Variants in PAK2 observed in about 807,000 individuals in gnomAD.
The protein encoded by PAK2 is p21 (RAC1) activated kinase 2.
PAK2 carries 21 observed loss-of-function variants against 65.9 expected under a neutral mutation model. The observed-to-expected ratio is 0.32, with a 90% CI of 0.23 to 0.46. The LOEUF is 0.46. Among genes scored for constraint, PAK2 ranks in the 20% least tolerant of loss-of-function variants. PAK2 has a pLI of 1.00. For synonymous variants in PAK2, 204 were observed against 219.7 expected (o/e 0.93, Z 0.63); for missense variants, 324 against 642.6 (o/e 0.50, Z 5.36).
intron 2 of PAK2, among the ~76,000 whole-genome samples, chr3:196,792,295 T>C (rs1444414742): frequency 6.6e-6 from 1 of 152,204 alleles, no homozygotes; most frequent in Non-Finnish European, 1.5e-5. Context: ...TAATTTCTCC[T>C]GTATGTAGGG....
intron 1 of PAK2, among the ~76,000 whole-genome samples, 156 bp from the exon 2 acceptor site, chr3:196,782,470 C>T (rs1168958808): frequency 1.3e-5 from 2 of 152,162 alleles, no homozygotes; most frequent in African/African-American, 2.4e-5. Flanking sequence ...AAGAGAGTTA[C>T]ATCTTTTACA....
intron 1 of PAK2, among the ~76,000 whole-genome samples, chr3:196,770,339 A>G (rs1336989709): frequency 3.3e-5 from 5 of 151,814 alleles, no homozygotes; most frequent in African/African-American, 4.9e-5. Context: ...GTTCATTTTT[A>G]TTAATAATAT....
chr3:196,819,648 G>A (rs1202043524), intron 12 of PAK2, among the ~76,000 whole-genome samples: 1 of 151,996 alleles, frequency 6.6e-6, no homozygotes, highest in East Asian at 1.9e-4. Flanking sequence ...CATATGAAAT[G>A]GAATGGGTTT....
At chr3:196,811,342 CTCCCTTCCT>C (rs1715811643) in intron 8 of PAK2, among the ~76,000 whole-genome samples, 1 of 67,090 alleles carries the variant, frequency 1.5e-5, no homozygotes, top group Non-Finnish European at 2.9e-5. Flanking sequence ...CCTCCCTTCC[CTCCCTTCCT>C]TCCCTCCCTT....
intron 13 of PAK2, among the ~76,000 whole-genome samples, chr3:196,821,152 T>A (rs566069322): frequency 2.4e-4 from 36 of 152,222 alleles, no homozygotes; most frequent in African/African-American, 8.4e-4. Context: ...CTTCTCTTTT[T>A]TTTAAATTAC....
intron 1 of PAK2, among the ~76,000 whole-genome samples, chr3:196,755,813 C>T (rs1271130390): frequency 2.6e-5 from 4 of 151,620 alleles, no homozygotes; most frequent in Non-Finnish European, 4.4e-5. Flanking sequence ...TGGAGTACAG[C>T]GGCATGATCT....
intron 1 of PAK2, among the ~76,000 whole-genome samples, chr3:196,744,897 AACG>A (rs1172232447): frequency 6.6e-6 from 1 of 151,638 alleles, no homozygotes; most frequent in Non-Finnish European, 1.5e-5. Context: ...TTTCCATTAA[AACG>A]ACTTGTAAGT....
chr3:196,824,606 A>G (rs1300692013), intron 13 of PAK2, among the ~76,000 whole-genome samples: 4 of 152,166 alleles, frequency 2.6e-5, no homozygotes, highest in African/African-American at 9.7e-5. Context: ...GAGTAGGTGA[A>G]GCACAGGGAA....
chr3:196,764,895 T>C (rs9879631), intron 1 of PAK2, among the ~76,000 whole-genome samples: 10,208 of 143,402 alleles, frequency 0.071, 691 homozygotes, highest in African/African-American at 0.18. Flanking sequence ...CAGGCTGGAG[T>C]GCAGTGGTGC....
In PAK2 at chr3:196,814,562, C is replaced by T; in HGVS notation, c.1047C>T (p.Cys349=). 6 of 1,313,530 alleles carry T rather than the reference C, an allele frequency of 4.6e-6. No individual in the cohort carries two copies. Among genetic ancestry groups the T allele is most frequent in the Non-Finnish European group, 5.5e-6 (5 of 911,212 alleles). 81.4% of individuals were successfully genotyped at this position (1,313,530 alleles called of 1,614,324 possible). Residue 349 remains cysteine (C), a synonymous_variant, in exon 11 of 15, where the codon TGC becomes TGT. Transcript: ENST00000327134. Reference sequence around the variant, plus strand: ...ATGAAGCACAGATTGCTGCTGTATGCAGAGAGGTAGGTTTGCCTCCTTCTT... The same window carrying T: ...ATGAAGCACAGATTGCTGCTGTATGTAGAGAGGTAGGTTTGCCTCCTTCTT... The part of the protein sequence containing the change: ...CMDEAQIAAV[C]RECLQALEFL...
chr3:196,755,337 A>G (rs994030122), intron 1 of PAK2, among the ~76,000 whole-genome samples: 7 of 151,552 alleles, frequency 4.6e-5, no homozygotes. Flanking sequence ...GAGGCTGAAA[A>G]TTTTTCCTAT....
chr3:196,777,471 T>A (rs935534435), intron 1 of PAK2, among the ~76,000 whole-genome samples: 1 of 152,212 alleles, frequency 6.6e-6, no homozygotes, highest in African/African-American at 2.4e-5. Context: ...CCCAAAGTGC[T>A]GAGATTACAG....
At chr3:196,742,430 G>C (rs1713231447) in intron 1 of PAK2, among the ~76,000 whole-genome samples, 1 of 152,096 alleles carries the variant, frequency 6.6e-6, no homozygotes, top group Non-Finnish European at 1.5e-5. Context: ...ACTAGAACTT[G>C]TTCAGGTAGC....
At chr3:196,769,626 A>G (rs1168619809) in intron 1 of PAK2, among the ~76,000 whole-genome samples, 3 of 143,536 alleles carry the variant, frequency 2.1e-5, no homozygotes, top group African/African-American at 5.3e-5. Flanking sequence ...CCTGGCTAAC[A>G]CGGTGAAACC....
chr3:196,751,696 A>ATATATATATATAAAATTACC (rs1713603033), intron 1 of PAK2, among the ~76,000 whole-genome samples: 1 of 72,664 alleles, frequency 1.4e-5, no homozygotes, highest in African/African-American at 6.7e-5. Context: ...TATATATATA[A>ATATATATATATAAAATTACC]TTCAGGCTAT....
chr3:196,788,396 GAAAAT>G (rs1419328917), intron 2 of PAK2, among the ~76,000 whole-genome samples: 1 of 152,046 alleles, frequency 6.6e-6, no homozygotes, highest in Non-Finnish European at 1.5e-5. Flanking sequence ...TTTATAAAAA[GAAAAT>G]AAAGACTCTA....
intron 1 of PAK2, among the ~76,000 whole-genome samples, chr3:196,759,432 A>T (rs982919136): frequency 6.6e-6 from 1 of 150,772 alleles, no homozygotes; most frequent in East Asian, 1.9e-4. Context: ...CTTAAATTTT[A>T]AAAAAACAGA....
At chr3:196,756,611 G>A (rs1465868236) in intron 1 of PAK2, among the ~76,000 whole-genome samples, 1 of 152,166 alleles carries the variant, frequency 6.6e-6, no homozygotes. Context: ...GCCGAGCTGG[G>A]AGGATCACAA....
chr3:196,780,152 G>A (rs1219556541), intron 1 of PAK2, among the ~76,000 whole-genome samples: 1 of 152,218 alleles, frequency 6.6e-6, no homozygotes, highest in African/African-American at 2.4e-5. Flanking sequence ...CATGTTGTCA[G>A]CACTGCCTTA....
Sources: allele counts gnomAD v4.1 joint callset (sites outside exome capture counted in the v4.1 genomes callset), GRCh38; gene constraint gnomAD v4.1.1; transcripts MANE v1.5; gene names NCBI Gene and HGNC (gene_info 2026-07-23, HGNC 2026-07-21).